Variants in PRELID2 observed in about 807,000 individuals in gnomAD.
PRELID2 encodes PRELI domain-containing protein 2.
In PRELID2, 25 loss-of-function variants were observed where a neutral mutation model predicts 28.4. The ratio of observed to expected loss-of-function variants is 0.88; its 90% CI spans 0.64 to 1.23. The LOEUF (loss-of-function observed/expected upper bound fraction) is 1.23. Among genes scored for constraint, PRELID2 ranks in the 50% most tolerant of loss-of-function variants. The pLI, the probability that PRELID2 is intolerant of heterozygous loss-of-function variation, is 0.00. For synonymous variants in PRELID2, 76 were observed against 71.6 expected (o/e 1.06, Z -0.31); for missense variants, 201 against 214.4 (o/e 0.94, Z 0.39).
At chr5:145,372,884 ATAT>A in the PRELID2 span, among the ~76,000 whole-genome samples, 7 of 95,742 alleles carry the variant, frequency 7.3e-5, no homozygotes, top group Admixed American at 1.3e-4. Flanking sequence ...AATATATATG[ATAT>A]TATATATTAC....
intron 1 of PRELID2, among the ~76,000 whole-genome samples, chr5:145,587,037 A>T (rs1450994787): frequency 6.6e-6 from 1 of 152,122 alleles, no homozygotes; most frequent in Non-Finnish European, 1.5e-5. Flanking sequence ...ATATGCCAAG[A>T]GTCTATCTGG....
At chr5:145,385,791 G>C in the PRELID2 span, among the ~76,000 whole-genome samples, 1 of 152,066 alleles carries the variant, frequency 6.6e-6, no homozygotes, top group South Asian at 2.1e-4. Flanking sequence ...CATCCTTCAA[G>C]GCCCAACTCA....
intron 1 of PRELID2, among the ~76,000 whole-genome samples, chr5:145,637,198 C>T (rs1053068133): frequency 6.6e-5 from 10 of 152,092 alleles, no homozygotes; most frequent in African/African-American, 2.4e-4. Context: ...ATATTAACAA[C>T]CAACGTTTAT....
the PRELID2 span, among the ~76,000 whole-genome samples, chr5:145,372,321 A>G: frequency 5.3e-5 from 8 of 151,988 alleles, no homozygotes; most frequent in Non-Finnish European, 1.2e-4. Context: ...TGTTTGTTAC[A>G]GTTTCCATTA....
intron 1 of PRELID2, among the ~76,000 whole-genome samples, chr5:145,578,947 T>C (rs1478479477): frequency 3.9e-5 from 6 of 152,082 alleles, no homozygotes; most frequent in African/African-American, 9.7e-5. Context: ...GATCAATGAA[T>C]AAGATCTGTA....
intron 1 of PRELID2, among the ~76,000 whole-genome samples, chr5:145,594,855 G>A (rs1420716041): frequency 2.0e-5 from 3 of 152,070 alleles, no homozygotes; most frequent in South Asian, 2.1e-4. Context: ...GACCAGGCAC[G>A]GTGGCTCACG....
the PRELID2 span, among the ~76,000 whole-genome samples, chr5:145,428,309 A>G: frequency 6.6e-6 from 1 of 152,134 alleles, no homozygotes; most frequent in Admixed American, 6.5e-5. Context: ...TTGAGTTGCA[A>G]TGATCTTCCA....
At chr5:145,558,479 CTG>C (rs1379197516) in intron 1 of PRELID2, among the ~76,000 whole-genome samples, 1 of 152,206 alleles carries the variant, frequency 6.6e-6, no homozygotes, top group Non-Finnish European at 1.5e-5. Flanking sequence ...GCTGATAACT[CTG>C]TAGTTACAAT....
intron 1 of PRELID2, among the ~76,000 whole-genome samples, chr5:145,540,379 T>G (rs529604197): frequency 9.5e-4 from 145 of 152,084 alleles, no homozygotes; most frequent in Non-Finnish European, 1.7e-3. Context: ...CAGTAATACT[T>G]ACACTAGTAT....
chr5:145,571,198 G>A (rs1335279702), intron 1 of PRELID2, among the ~76,000 whole-genome samples: 11 of 152,276 alleles, frequency 7.2e-5, no homozygotes, highest in South Asian at 2.1e-4. Context: ...TGCTGGACAC[G>A]TTATCTACTC....
chr5:145,764,699 A>C (rs984361542), intron 6 of PRELID2, among the ~76,000 whole-genome samples: 1 of 152,240 alleles, frequency 6.6e-6, no homozygotes, highest in Non-Finnish European at 1.5e-5. Context: ...AACAGTTTTA[A>C]CAATTTGAAT....
At chr5:145,678,267 C>T (rs944390760) in intron 1 of PRELID2, among the ~76,000 whole-genome samples, 4 of 152,164 alleles carry the variant, frequency 2.6e-5, no homozygotes, top group Non-Finnish European at 5.9e-5. Flanking sequence ...GCATTGAGAA[C>T]CTAAAACTAC....
At position 145,660,131 on chromosome 5, in the gene PRELID2, T is replaced by C. The variant is rs75288756; in HGVS notation, n.70+104800A>G. The stretch of plus-strand genomic sequence containing the variant: ...GAAACTCAGGTTCATGGAGGCTGTC[T>C]TTTGCCTAAGGATTCATAGTGAAGG... On this transcript the variant is annotated intron_variant and non_coding_transcript_variant, in intron 1 of 2. Coordinates refer to the PRELID2 transcript ENST00000510259. Among the ~76,000 whole-genome samples the C allele has an allele frequency of 3.8e-3, 573 of 152,274 alleles. 2 individuals are homozygous for C. Among genetic ancestry groups the C allele is most frequent in the African/African-American group, 0.013 (537 of 41,544 alleles).
chr5:145,612,627 C>T (rs1753633441), intron 1 of PRELID2, among the ~76,000 whole-genome samples: 1 of 152,092 alleles, frequency 6.6e-6, no homozygotes, highest in Non-Finnish European at 1.5e-5. Context: ...CCCTTCCCCC[C>T]AAGCCCCCAA....
At chr5:145,724,702 G>T (rs1345759079) in intron 1 of PRELID2, among the ~76,000 whole-genome samples, 1 of 133,074 alleles carries the variant, frequency 7.5e-6, no homozygotes, top group African/African-American at 2.7e-5. Flanking sequence ...ATGAATGTAT[G>T]TGTATACATA....
intron 1 of PRELID2, among the ~76,000 whole-genome samples, chr5:145,669,192 CAGATTATTGGAT>C (rs1754655769): frequency 6.6e-6 from 1 of 152,048 alleles, no homozygotes; most frequent in African/African-American, 2.4e-5. Context: ...ATATTGGTTT[CAGATTATTGGAT>C]AGGAAACAAT....
At chr5:145,761,250 A>C (rs1358166221) in intron 6 of PRELID2, among the ~76,000 whole-genome samples, 2 of 152,226 alleles carry the variant, frequency 1.3e-5, no homozygotes, top group African/African-American at 4.8e-5. Flanking sequence ...GTAAATTATA[A>C]ATAGCACCTA....
the PRELID2 span, among the ~76,000 whole-genome samples, chr5:145,296,213 T>A: frequency 6.6e-6 from 1 of 151,978 alleles, no homozygotes; most frequent in Non-Finnish European, 1.5e-5. Flanking sequence ...TATTATACTT[T>A]AAGTTTTAGG....
In PRELID2 at chr5:145,803,735, T is replaced by TAAAA. The variant is rs11368542; in HGVS notation, c.369-7192_369-7189dup. 8.2e-3 allele frequency among the ~76,000 whole-genome samples: 1,110 copies of TAAAA among 134,684 alleles called. 21 individuals are homozygous for TAAAA. The highest frequency in any genetic ancestry group is 0.027 in the African/African-American group (956 of 35,966). 88.4% of individuals were successfully genotyped at this position (134,684 alleles called of 152,430 possible). On this transcript the variant is annotated intron_variant, in intron 4 of 6. Coordinates refer to ENST00000683046, the MANE Select transcript of PRELID2 (RefSeq NM_205846.3). Reference sequence around the variant, plus strand: ...CCACCATTATTATTCCAATTTAAAGTAAAAAAAAAAAAAAAAAGCACAGTG... The same window carrying TAAAA: ...CCACCATTATTATTCCAATTTAAAGTAAAAAAAAAAAAAAAAAAAAAGCACAGTG...
Sources: gnomAD v4.1 joint callset for allele counts (sites outside exome capture counted in the v4.1 genomes callset) on GRCh38, gnomAD v4.1.1 for gene constraint, MANE v1.5 for transcripts, NCBI Gene and HGNC (gene_info 2026-07-23, HGNC 2026-07-21) for gene names.